CLDN16: variants seen among roughly 807,000 people sequenced by gnomAD.
CLDN16 encodes the protein claudin-16.
In CLDN16, 13 loss-of-function variants were observed where a neutral mutation model predicts 24.6. The ratio of observed to expected loss-of-function variants is 0.53; its 90% confidence interval spans 0.34 to 0.84. The LOEUF (loss-of-function observed/expected upper bound fraction) is 0.84. Ranked by LOEUF, CLDN16 falls within the 40% of genes least tolerant of loss-of-function variation. The probability of loss-of-function intolerance (pLI) is 0.01; values close to 1 mark genes in which losing one functional copy is unlikely to be tolerated. For synonymous variants in CLDN16, 116 were observed against 106.7 expected (o/e 1.09, Z -0.54); for missense variants, 298 against 292.7 (o/e 1.02, Z -0.13).
upstream of CLDN16, among the ~76,000 whole-genome samples, chr3:190,319,101 T>C (rs1252086944): frequency 1.3e-5 from 2 of 152,132 alleles, no homozygotes; most frequent in African/African-American, 4.8e-5. Context: ...TGCAGCCTCC[T>C]ACAGCAACTC....
At chr3:190,360,002 G>T (rs1717851818) in intron 1 of CLDN16, among the ~76,000 whole-genome samples, 1 of 151,958 alleles carries the variant, frequency 6.6e-6, no homozygotes, top group Non-Finnish European at 1.5e-5. Flanking sequence ...TCTTAACTGG[G>T]CTGGTTGAAG....
At chr3:190,394,088 C>G (rs1441761796) in intron 1 of CLDN16, among the ~76,000 whole-genome samples, 1 of 152,002 alleles carries the variant, frequency 6.6e-6, no homozygotes, top group Non-Finnish European at 1.5e-5. Context: ...TCCTTTTTGT[C>G]TGACCAGGGA....
chr3:190,312,647 C>G, the CLDN16 span, among the ~76,000 whole-genome samples: 15 of 152,316 alleles, frequency 9.8e-5, no homozygotes, highest in African/African-American at 3.4e-4. Flanking sequence ...TCTAACAAAC[C>G]AGTTGCCACT....
chr3:190,358,860 G>T (rs1295136382), intron 1 of CLDN16, among the ~76,000 whole-genome samples: 1 of 151,990 alleles, frequency 6.6e-6, no homozygotes, highest in Non-Finnish European at 1.5e-5. Flanking sequence ...AGTAGTTACT[G>T]AAAGATATAA....
intron 1 of CLDN16, among the ~76,000 whole-genome samples, chr3:190,330,759 G>C (rs1717165995): frequency 6.6e-6 from 1 of 152,094 alleles, no homozygotes; most frequent in Admixed American, 6.6e-5. Flanking sequence ...TGTGTCATAA[G>C]ATGAATTATA....
At chr3:190,326,384 T>A (rs1461669778) in intron 1 of CLDN16, among the ~76,000 whole-genome samples, 1 of 152,164 alleles carries the variant, frequency 6.6e-6, no homozygotes, top group Non-Finnish European at 1.5e-5. Context: ...GATACGCAGT[T>A]TCTCTAGAAA....
At chr3:190,392,165 C>T (rs1002354090) in intron 1 of CLDN16, among the ~76,000 whole-genome samples, 1 of 150,326 alleles carries the variant, frequency 6.7e-6, no homozygotes, top group Non-Finnish European at 1.5e-5. Flanking sequence ...CCAGACATTT[C>T]CATTGGGAAT....
At chr3:190,348,752 T>C (rs1717608477) in intron 1 of CLDN16, among the ~76,000 whole-genome samples, 1 of 152,144 alleles carries the variant, frequency 6.6e-6, no homozygotes, top group South Asian at 2.1e-4. Context: ...GTACAGATTA[T>C]TTCATCACCC....
chr3:190,312,260 A>G, the CLDN16 span, among the ~76,000 whole-genome samples: 1 of 151,614 alleles, frequency 6.6e-6, no homozygotes, highest in African/African-American at 2.4e-5. Flanking sequence ...TTAAATGGAA[A>G]ATATAATATT....
chr3:190,377,704 G>A (rs1332999572), intron 3 of CLDN16, among the ~76,000 whole-genome samples: 1 of 152,000 alleles, frequency 6.6e-6, no homozygotes, highest in Non-Finnish European at 1.5e-5. Flanking sequence ...TTAAGCCCTT[G>A]CTAAGAGCAA....
chr3:190,383,002 A>G (rs113182758), intron 3 of CLDN16, among the ~76,000 whole-genome samples: 200 of 152,256 alleles, frequency 1.3e-3, no homozygotes, highest in African/African-American at 4.3e-3. Flanking sequence ...CTAGTGTAAT[A>G]GGATTTTAAA....
chr3:190,358,632 A>G (rs1450186757), intron 1 of CLDN16, among the ~76,000 whole-genome samples: 1 of 151,914 alleles, frequency 6.6e-6, no homozygotes, highest in Non-Finnish European at 1.5e-5. Flanking sequence ...AAGATTTCAT[A>G]ATTAATCTCC....
chr3:190,293,258 C>T, the CLDN16 span, among the ~76,000 whole-genome samples: 1 of 152,170 alleles, frequency 6.6e-6, no homozygotes, highest in South Asian at 2.1e-4. Context: ...CACTCACTAT[C>T]ACAAGAACAG....
upstream of CLDN16, among the ~76,000 whole-genome samples, chr3:190,320,032 T>C (rs529274992): frequency 3.3e-5 from 5 of 152,246 alleles, no homozygotes; most frequent in East Asian, 9.6e-4. Context: ...GATTCTGATC[T>C]GGAGTTTTAA....
intron 3 of CLDN16, among the ~76,000 whole-genome samples, 199 bp from the exon 4 acceptor site, chr3:190,408,115 T>A (rs1298638538): frequency 6.6e-6 from 1 of 152,158 alleles, no homozygotes; most frequent in Non-Finnish European, 1.5e-5. Flanking sequence ...TAAACTGAGA[T>A]AAAATTTAAA....
At chr3:190,397,394 A>C (rs1036140195) in intron 1 of CLDN16, among the ~76,000 whole-genome samples, 1 of 152,196 alleles carries the variant, frequency 6.6e-6, no homozygotes, top group African/African-American at 2.4e-5. Context: ...AAAAGTTATT[A>C]CTTAACATTT....
the CLDN16 span, among the ~76,000 whole-genome samples, chr3:190,296,412 C>T: frequency 6.6e-6 from 1 of 151,832 alleles, no homozygotes; most frequent in South Asian, 2.1e-4. Flanking sequence ...ACTGATGCTG[C>T]GAAAAAAGCA....
intron 1 of CLDN16, among the ~76,000 whole-genome samples, chr3:190,396,453 A>G (rs1424170755): frequency 6.6e-6 from 1 of 152,170 alleles, no homozygotes; most frequent in Non-Finnish European, 1.5e-5. Flanking sequence ...CAAACTTCCA[A>G]TGAGAGTATA....
chr3:190,379,712 C>T (rs182347359), intron 3 of CLDN16, among the ~76,000 whole-genome samples: 53 of 152,198 alleles, frequency 3.5e-4, no homozygotes, highest in Admixed American at 2.6e-3. Context: ...ATGCTTCTCA[C>T]GAACACATTT....
Sources: gnomAD v4.1 joint callset for allele counts (sites outside exome capture counted in the v4.1 genomes callset) on GRCh38, gnomAD v4.1.1 for gene constraint, MANE v1.5 for transcripts, NCBI Gene and HGNC (gene_info 2026-07-23, HGNC 2026-07-21) for gene names.